The following PPP3CC variants were observed in gnomAD, a reference collection of about 807,000 sequenced individuals.
PPP3CC encodes the protein serine/threonine-protein phosphatase 2B catalytic subunit gamma isoform.
In PPP3CC, 35 loss-of-function variants were observed where a neutral mutation model predicts 60.3. The ratio of observed to expected loss-of-function variants is 0.58; its 90% CI spans 0.44 to 0.77. PPP3CC has a LOEUF of 0.77. Among genes scored for constraint, PPP3CC ranks in the 30% least tolerant of loss-of-function variants. PPP3CC has a pLI of 0.00. For missense variants in PPP3CC, 570 were observed against 628.9 expected (o/e 0.91, Z 1.00); for synonymous variants, 206 against 224.3 (o/e 0.92, Z 0.73).
At chr8:22,539,365 A>G (rs1414770410) in intron 12 of PPP3CC, 104 bp from the exon 13 acceptor site, 9 of 1,241,984 alleles carry the variant, frequency 7.2e-6, no homozygotes, top group Non-Finnish European at 1.0e-5. Flanking sequence ...GGGATAGGCT[A>G]AAAAACGGGC....
chr8:22,466,213 C>T (rs929190547), intron 1 of PPP3CC, among the ~76,000 whole-genome samples: 2 of 152,146 alleles, frequency 1.3e-5, no homozygotes, highest in Admixed American at 6.5e-5. Context: ...ATATGTGCCA[C>T]GTTTTCTTTA....
chr8:22,498,190 G>A (rs1838646443), intron 4 of PPP3CC, 78 bp downstream of exon 4: 2 of 835,392 alleles, frequency 2.4e-6, no homozygotes, highest in Non-Finnish European at 3.6e-6. Context: ...AAAGAAAAAA[G>A]AAACTAATAG....
At chr8:22,514,628 A>C (rs573444301) in intron 6 of PPP3CC, among the ~76,000 whole-genome samples, 1 of 151,784 alleles carries the variant, frequency 6.6e-6, no homozygotes, top group African/African-American at 2.4e-5. Context: ...TTTGTGTTAC[A>C]AACAATCCAA....
At chr8:22,478,322 C>G (rs971640112) in intron 3 of PPP3CC, among the ~76,000 whole-genome samples, 1 of 138,728 alleles carries the variant, frequency 7.2e-6, no homozygotes, top group Non-Finnish European at 1.6e-5. Flanking sequence ...CGGCTAATTT[C>G]TGTATTTTTA....
Position 22,527,432 on chromosome 8 carries a change from G to T in PPP3CC, c.984G>T (p.Arg328Ser), listed in dbSNP as rs1233742011. Residue 328 changes from arginine to serine, a missense_variant, in exon 9 of 14, where the codon AGG becomes AGT. By Grantham distance (110) the Arg-to-Ser change is moderately radical (BLOSUM62 -1). Transcript: ENST00000240139. ...LKYENNVMNI[R>S]QFNCSPHPYW... ...ATGAAAACAATGTCATGAATATCAGGCAGTTTAACTGTTCTCCACACCCCT... is the reference window on the plus strand; with the variant it reads ...ATGAAAACAATGTCATGAATATCAGTCAGTTTAACTGTTCTCCACACCCCT... 2 of 1,613,546 alleles carry T rather than the reference G, an allele frequency of 1.2e-6. No individual in the cohort carries two copies.
At position 22,446,805 on chromosome 8, in the gene PPP3CC, C is replaced by CAAA. The variant is rs34407184; in HGVS notation, c.49+5372_49+5374dup. 5.9e-4 allele frequency among the ~76,000 whole-genome samples: 13 copies of CAAA among 21,968 alleles called. 1 individual carries two copies. The highest frequency in any genetic ancestry group is 0.036 in the Middle Eastern group (1 of 28). The allele number at this position is 21,968 out of a possible 152,430, so 14.4% of individuals were successfully genotyped here. A position where few individuals can be genotyped will look rare whatever the true frequency, so the allele number is the denominator to read the frequency against. On this transcript the variant is annotated intron_variant, in intron 1 of 13. Transcript: ENST00000240139. Reference sequence around the variant, plus strand: ...TGGGTGACAGAGCAAGACTCTGTCTCAAAAAAAAAAAAAAAAAAAAAAAAA... The same window carrying CAAA: ...TGGGTGACAGAGCAAGACTCTGTCTCAAAAAAAAAAAAAAAAAAAAAAAAAAAA...
chr8:22,465,270 A>G (rs1318397834), intron 1 of PPP3CC, among the ~76,000 whole-genome samples: 2 of 152,000 alleles, frequency 1.3e-5, no homozygotes, highest in African/African-American at 4.8e-5. Flanking sequence ...CTTAGACTCT[A>G]CTTCTTGATA....
At chr8:22,473,303 G>C (rs1837786255) in intron 1 of PPP3CC, among the ~76,000 whole-genome samples, 1 of 152,062 alleles carries the variant, frequency 6.6e-6, no homozygotes, top group Non-Finnish European at 1.5e-5. Flanking sequence ...AAAGTAGACT[G>C]TGTTATAAAG....
intron 1 of PPP3CC, among the ~76,000 whole-genome samples, chr8:22,444,983 G>A (rs1391637829): frequency 6.6e-6 from 1 of 152,092 alleles, no homozygotes; most frequent in South Asian, 2.1e-4. Flanking sequence ...ATTTCAGTAG[G>A]AATTACATGA....
intron 1 of PPP3CC, among the ~76,000 whole-genome samples, chr8:22,457,384 C>T (rs1379702511): frequency 6.6e-6 from 1 of 151,078 alleles, no homozygotes; most frequent in Non-Finnish European, 1.5e-5. Flanking sequence ...CTCACTGCAA[C>T]CTCCGCCTCC....
chr8:22,496,528 C>T (rs1365710545), intron 3 of PPP3CC, among the ~76,000 whole-genome samples: 45 of 60,822 alleles, frequency 7.4e-4, no homozygotes, highest in East Asian at 1.8e-3. Flanking sequence ...GACAGAGTCT[C>T]GCTCTGTCAC....
chr8:22,532,722 A>T (rs1295108217), intron 11 of PPP3CC, among the ~76,000 whole-genome samples, 199 bp from the exon 12 acceptor site: 1 of 152,236 alleles, frequency 6.6e-6, no homozygotes, highest in Non-Finnish European at 1.5e-5. Flanking sequence ...AACACTTCTA[A>T]TTGAAAAACA....
chr8:22,532,291 T>A lies in PPP3CC; in HGVS notation c.1208T>A (p.Val403Asp). 6.2e-7 allele frequency: 1 copy of A among 1,608,278 alleles called. No homozygotes were observed. Among genetic ancestry groups the A allele is most frequent in the Non-Finnish European group, 8.5e-7 (1 of 1,174,708 alleles). Residue 403 changes from valine to aspartate, a missense_variant, in exon 11 of 14, where the codon GTC (valine) becomes GAC (aspartate). Val to Asp is a radical substitution (Grantham distance 152). Transcript: ENST00000240139. ...KIRAIGKMAR[V>D]FSILRQESES... is the part of the protein sequence containing the mutation. ...AGAGCCATTGGGAAGATGGCACGGG[T>A]CTTTTCAATTCTTCGGTAAGGATGT...
At chr8:22,462,707 A>G (rs1394086609) in intron 1 of PPP3CC, among the ~76,000 whole-genome samples, 1 of 151,818 alleles carries the variant, frequency 6.6e-6, no homozygotes, top group Non-Finnish European at 1.5e-5. Context: ...AGTAGCTGGG[A>G]CTACAGGCAC....
intron 9 of PPP3CC, 92 bp from the exon 10 acceptor site, chr8:22,528,410 GCTTA>G (rs2117136776): frequency 2.8e-6 from 2 of 704,244 alleles, no homozygotes; most frequent in African/African-American, 1.8e-5. Context: ...TTTTGCTTAT[GCTTA>G]CTTAACATGT....
At chr8:22,492,572 A>G (rs1212108859) in intron 3 of PPP3CC, 1 of 431,168 alleles carries the variant, frequency 2.3e-6, no homozygotes, top group African/African-American at 2.0e-5. Context: ...ACCCCCAAGC[A>G]CCAACCCTAG....
intron 4 of PPP3CC, among the ~76,000 whole-genome samples, chr8:22,502,059 C>G (rs2449348): frequency 6.6e-6 from 1 of 151,804 alleles, no homozygotes; most frequent in African/African-American, 2.4e-5. Context: ...TAAATGTTCA[C>G]CTGATTAGAT....
intron 4 of PPP3CC, among the ~76,000 whole-genome samples, chr8:22,498,664 A>T (rs1838664177): frequency 6.6e-6 from 1 of 152,200 alleles, no homozygotes; most frequent in South Asian, 2.1e-4. Context: ...CATATCATTA[A>T]GTATTTTTGA....
chr8:22,473,870 G>A (rs1042786076), intron 1 of PPP3CC, among the ~76,000 whole-genome samples: 3 of 152,046 alleles, frequency 2.0e-5, no homozygotes, highest in African/African-American at 7.2e-5. Flanking sequence ...AGTACATTAA[G>A]CTACTGCCTT....
Sources: allele counts gnomAD v4.1 joint callset (sites outside exome capture counted in the v4.1 genomes callset), GRCh38; gene constraint gnomAD v4.1.1; transcripts MANE v1.5; gene names NCBI Gene and HGNC (gene_info 2026-07-23, HGNC 2026-07-21).